The following PCYT1B variants were observed in gnomAD, a reference collection of about 807,000 sequenced individuals.
The protein encoded by PCYT1B is phosphate cytidylyltransferase 1B, choline, also known as choline-phosphate cytidylyltransferase B.
Under a neutral mutation model 26.4 loss-of-function variants are expected in PCYT1B, and 10 were observed. That is an observed-to-expected ratio of 0.38 (90% confidence interval 0.23 to 0.64). The LOEUF is 0.64. PCYT1B is among the 30% of genes least tolerant of loss of function. The pLI is 0.56. For missense variants in PCYT1B, 161 were observed against 292.7 expected, an observed-to-expected ratio of 0.55 and a Z score of 3.28; for synonymous variants, 131 against 108.4, an observed-to-expected ratio of 1.21 and a Z score of -1.29.
chrX:24,658,303 C>T (rs1293377100), intron 1 of PCYT1B: 1 of 111,836 alleles, frequency 8.9e-6, no homozygotes, highest in African/African-American at 3.3e-5. Context: ...AGAGAGACTC[C>T]GTTTAATCTT....
intron 5 of PCYT1B, among the ~76,000 whole-genome samples, chrX:24,586,738 A>AT (rs1260395118): frequency 6.4e-5 from 7 of 108,599 alleles, no homozygotes; most frequent in South Asian, 7.8e-4. Flanking sequence ...ACATTTACCC[A>AT]TTTTTTTTTG....
upstream of PCYT1B, among the ~76,000 whole-genome samples, chrX:24,651,466 AAAAAAAATATATATATATATAT>A (rs1261171000): frequency 1.4e-4 from 4 of 28,635 alleles, no homozygotes; most frequent in African/African-American, 3.8e-4. Flanking sequence ...AAAAAAAAAA[AAAAAAAATATATATATATATAT>A]ATATATATAT....
chrX:24,620,113 T>C (rs1301822188), intron 1 of PCYT1B, among the ~76,000 whole-genome samples: 1 of 112,500 alleles, frequency 8.9e-6, no homozygotes, highest in Non-Finnish European at 1.9e-5. Flanking sequence ...CAGGTTAAGA[T>C]GTGTTCCTTA....
chrX:24,621,597 C>A (rs1449549152), intron 1 of PCYT1B, among the ~76,000 whole-genome samples: 4 of 111,253 alleles, frequency 3.6e-5, no homozygotes, highest in Non-Finnish European at 5.7e-5. Context: ...CTGCCTCAGC[C>A]TCCCAAGTAG....
At chrX:24,644,421 T>C (rs1447914924) in intron 1 of PCYT1B, among the ~76,000 whole-genome samples, 1 of 102,482 alleles carries the variant, frequency 9.8e-6, no homozygotes, top group African/African-American at 3.6e-5. Context: ...CTTATGTACA[T>C]CTGTATCATA....
chrX:24,616,442 T>C (rs112279863), intron 2 of PCYT1B, among the ~76,000 whole-genome samples: 5 of 110,236 alleles, frequency 4.5e-5, no homozygotes, highest in Non-Finnish European at 9.5e-5. Flanking sequence ...TTTCACCATG[T>C]TGGCCAGGCT....
intron 7 of PCYT1B, among the ~76,000 whole-genome samples, chrX:24,564,945 G>C (rs971682634): frequency 9.0e-6 from 1 of 110,696 alleles, no homozygotes; most frequent in African/African-American, 3.3e-5. Context: ...TGCAGTCTCG[G>C]GTCCAAGAAA....
At chrX:24,652,237 G>T (rs1926798657), upstream of PCYT1B, among the ~76,000 whole-genome samples, 1 of 112,456 alleles carries the variant, frequency 8.9e-6, no homozygotes, top group Non-Finnish European at 1.9e-5. Context: ...TTAGGTTGGT[G>T]CAAAAGTAAT....
At chrX:24,617,160 G>A (rs1324375743) in intron 2 of PCYT1B, among the ~76,000 whole-genome samples, 1 of 111,872 alleles carries the variant, frequency 8.9e-6, no homozygotes, top group Admixed American at 9.5e-5. Context: ...CCACTTAGTA[G>A]TGAATGACCT....
At chrX:24,630,605 T>C (rs182339183) in intron 1 of PCYT1B, among the ~76,000 whole-genome samples, 1 of 112,232 alleles carries the variant, frequency 8.9e-6, no homozygotes, top group Admixed American at 9.4e-5. Flanking sequence ...AAAATATGTT[T>C]GTTTTCTAAA....
At chrX:24,630,638 A>G (rs1432043385) in intron 1 of PCYT1B, among the ~76,000 whole-genome samples, 1 of 112,349 alleles carries the variant, frequency 8.9e-6, no homozygotes, top group Non-Finnish European at 1.9e-5. Context: ...AATGAGCCCA[A>G]AGAAATGCAT....
At position 24,653,755 on chromosome X, in the gene PCYT1B, C is replaced by CT. The variant is rs761800393; in HGVS notation, c.63+18814dup. ...CCATTAAGGTGCCCACCATAAAATT[C>CT]TTTTTTTTTTTTTTGAGACAAAGCT... On this transcript the variant is annotated intron_variant, in intron 1 of 7. Transcript: ENST00000379145. 3.7e-3 allele frequency among the ~76,000 whole-genome samples: 373 copies of CT among 100,733 alleles called. 1 individual carries two copies. The highest frequency in any genetic ancestry group is 9.8e-3 in the African/African-American group (276 of 28,128). 87.5% of individuals were successfully genotyped at this position (100,733 alleles called of 115,157 possible). A position where few individuals can be genotyped will look rare whatever the true frequency, so the allele number is the denominator to read the frequency against.
chrX:24,638,825 C>T (rs1316755167), intron 1 of PCYT1B, among the ~76,000 whole-genome samples: 6 of 111,574 alleles, frequency 5.4e-5, no homozygotes, highest in Non-Finnish European at 7.5e-5. Flanking sequence ...TCAAAGAAGG[C>T]CCAATGTTTC....
chrX:24,622,456 G>A (rs1157930589), intron 1 of PCYT1B, among the ~76,000 whole-genome samples: 1 of 112,290 alleles, frequency 8.9e-6, no homozygotes, highest in Non-Finnish European at 1.9e-5. Context: ...TCAGGACAAT[G>A]TGAGTAAGAT....
chrX:24,603,084 G>T (rs1005839465), intron 3 of PCYT1B, among the ~76,000 whole-genome samples: 1 of 112,465 alleles, frequency 8.9e-6, no homozygotes, highest in Non-Finnish European at 1.9e-5. Context: ...GATTACAGGC[G>T]TGAGCCACTG....
At chrX:24,593,418 C>CTCTT (rs1322020841) in intron 3 of PCYT1B, among the ~76,000 whole-genome samples, 1 of 83,981 alleles carries the variant, frequency 1.2e-5, no homozygotes, top group Non-Finnish European at 2.3e-5. Flanking sequence ...CTTTCTTTCT[C>CTCTT]TCTTTCTTTC....
chrX:24,668,697 G>C (rs375606384), intron 1 of PCYT1B, among the ~76,000 whole-genome samples: 3 of 107,875 alleles, frequency 2.8e-5, no homozygotes, highest in South Asian at 4.1e-4. Flanking sequence ...AAGGAGGAAG[G>C]TTCCTTCCTC....
At chrX:24,662,411 A>G (rs1453856071) in intron 1 of PCYT1B, among the ~76,000 whole-genome samples, 1 of 111,121 alleles carries the variant, frequency 9.0e-6, no homozygotes, top group Non-Finnish European at 1.9e-5. Context: ...AAGGCCATAA[A>G]TGCTGCTAAA....
chrX:24,647,351 G>A (rs1602206969), upstream of PCYT1B: 3 of 851,808 alleles, frequency 3.5e-6, no homozygotes, highest in East Asian at 1.4e-4. Flanking sequence ...CGACACTGAA[G>A]CGGCTGGTGC....
Sources: gnomAD v4.1 joint callset for allele counts (sites outside exome capture counted in the v4.1 genomes callset) on GRCh38, gnomAD v4.1.1 for gene constraint, MANE v1.5 for transcripts, NCBI Gene and HGNC (gene_info 2026-07-23, HGNC 2026-07-21) for gene names.